Variants in GCNT2 observed in about 807,000 individuals in gnomAD.
GCNT2 encodes the protein glucosaminyl (N-acetyl) transferase 2 (I blood group).
GCNT2 carries 34 observed loss-of-function variants against 34.2 expected under a neutral mutation model. That is an observed-to-expected ratio of 1.00 (90% CI 0.76 to 1.32). The LOEUF (loss-of-function observed/expected upper bound fraction) is 1.32. GCNT2 is among the 40% of genes most tolerant of loss of function. GCNT2 has a pLI of 0.00. For synonymous variants in GCNT2, 212 were observed against 188.0 expected (o/e 1.13, Z -1.04); for missense variants, 584 against 489.4 (o/e 1.19, Z -1.82).
At chr6:10,600,557 C>T (rs924197580) in intron 3 of GCNT2, among the ~76,000 whole-genome samples, 3 of 152,138 alleles carry the variant, frequency 2.0e-5, no homozygotes, top group African/African-American at 7.2e-5. Context: ...ACCCCTACCC[C>T]CAGTGTCCCC....
Position 10,594,575 on chromosome 6 carries a change from G to A in GCNT2, c.926-26776G>A, listed in dbSNP as rs76390145. ...ATAATGATGGCTACTTAGTAAGGCTGTTTTGAGAATTAAATTTTAAAAATG... is the reference window on the plus strand; with the variant it reads ...ATAATGATGGCTACTTAGTAAGGCTATTTTGAGAATTAAATTTTAAAAATG... On this transcript the variant is annotated intron_variant, in intron 3 of 4. Coordinates refer to ENST00000495262, the MANE Select transcript of GCNT2 (RefSeq NM_145649.5). 3.7e-3 allele frequency among the ~76,000 whole-genome samples: 569 copies of A among 152,260 alleles called. 5 individuals carry two copies. The highest frequency in any genetic ancestry group is 0.012 in the African/African-American group (518 of 41,558).
rs867011207 is a variant in GCNT2, at chr6:10,611,330, C to T, written c.926-10021C>T. Among the ~76,000 whole-genome samples, 335 of 112,318 alleles carry T rather than the reference C, an allele frequency of 3.0e-3. 2 individuals are homozygous for T. The highest frequency in any genetic ancestry group is 9.6e-3 in the African/African-American group (321 of 33,520). The allele number at this position is 112,318 out of a possible 152,430, so 73.7% of individuals were successfully genotyped here. On this transcript the variant is annotated intron_variant, in intron 3 of 4. Coordinates refer to ENST00000495262, the MANE Select transcript of GCNT2 (RefSeq NM_145649.5). ...ACAAATATATACTTTTAATTTCTTT[C>T]TTTCTTTTTTTTTTTTTTTGAGACG...
intron 3 of GCNT2, among the ~76,000 whole-genome samples, chr6:10,612,787 A>T (rs367917646): frequency 3.3e-5 from 5 of 152,304 alleles, no homozygotes; most frequent in African/African-American, 1.2e-4. Flanking sequence ...TCCGACTTCA[A>T]AGCTGGTGCT....
intron 3 of GCNT2, among the ~76,000 whole-genome samples, chr6:10,596,418 G>A (rs1021327095): frequency 6.6e-6 from 1 of 152,140 alleles, no homozygotes; most frequent in Non-Finnish European, 1.5e-5. Context: ...CCACTCAGGA[G>A]GCTGAGGCAG....
chr6:10,597,969 T>C (rs1167164471), intron 3 of GCNT2, among the ~76,000 whole-genome samples: 2 of 152,248 alleles, frequency 1.3e-5, no homozygotes, highest in African/African-American at 4.8e-5. Context: ...GGCTAGTGAC[T>C]TAGATACCCA....
chr6:10,547,137 T>G (rs993218129), intron 3 of GCNT2, among the ~76,000 whole-genome samples: 15 of 152,348 alleles, frequency 9.8e-5, no homozygotes, highest in Admixed American at 9.1e-4. Flanking sequence ...TAATATTTTG[T>G]ACACTTGCCT....
At chr6:10,556,743 C>T in intron 3 of GCNT2, 1 of 1,614,148 alleles carries the variant, frequency 6.2e-7, no homozygotes, top group Non-Finnish European at 8.5e-7. Context: ...CACTTTGACA[C>T]CTTTGCAAGG....
intron 3 of GCNT2, chr6:10,556,135 AGATGCAAACGGG>A: frequency 7.6e-7 from 1 of 1,310,380 alleles, no homozygotes; most frequent in Non-Finnish European, 9.7e-7. Flanking sequence ...AACAGCTAGC[AGATGCAAACGGG>A]GAGGCAGAGG....
At chr6:10,557,353 T>C in intron 3 of GCNT2, 1 of 1,594,276 alleles carries the variant, frequency 6.3e-7, no homozygotes, top group South Asian at 1.1e-5. Flanking sequence ...GTACGTACAA[T>C]TCCATATTTC....
intron 3 of GCNT2, among the ~76,000 whole-genome samples, chr6:10,569,462 T>C (rs1763438885): frequency 6.6e-6 from 1 of 152,058 alleles, no homozygotes; most frequent in Admixed American, 6.6e-5. Flanking sequence ...GCTGGGATTA[T>C]AAGCATGAGC....
intron 1 of GCNT2, among the ~76,000 whole-genome samples, chr6:10,524,765 G>T (rs1300023545): frequency 6.6e-6 from 1 of 151,944 alleles, no homozygotes. Flanking sequence ...GGAGGCCGAG[G>T]TTGCAATGAG....
intron 3 of GCNT2, among the ~76,000 whole-genome samples, chr6:10,618,515 T>G (rs1013376520): frequency 2.6e-5 from 4 of 152,226 alleles, no homozygotes; most frequent in Non-Finnish European, 5.9e-5. Flanking sequence ...TCAAAAATAG[T>G]CATTTCAACA....
chr6:10,626,758 C>A lies in GCNT2; in HGVS notation c.*151C>A. 1 of 656,218 alleles carries A rather than the reference C, an allele frequency of 1.5e-6. No homozygotes were observed. The highest frequency in any genetic ancestry group is 2.7e-6 in the Non-Finnish European group (1 of 366,428). 40.6% of individuals were successfully genotyped at this position (656,218 alleles called of 1,614,324 possible). On this transcript the variant is annotated 3_prime_UTR_variant, in exon 5 of 5. Transcript: ENST00000495262. ...GCTACGTAATTATACTTAAAATATC[C>A]ACTGGACACTGTGAAATACACTAAC...
At chr6:10,530,638 A>G (rs1226765100) in intron 3 of GCNT2, among the ~76,000 whole-genome samples, 3 of 152,124 alleles carry the variant, frequency 2.0e-5, no homozygotes, top group Non-Finnish European at 4.4e-5. Context: ...TGGAAGGCTG[A>G]GGCAGGAGGA....
intron 3 of GCNT2, among the ~76,000 whole-genome samples, chr6:10,537,621 A>C (rs2113561405): frequency 6.7e-6 from 1 of 148,388 alleles, no homozygotes; most frequent in East Asian, 2.0e-4. Context: ...GAATCGCTTA[A>C]ACCCGGGAGG....
At chr6:10,556,390 G>C in intron 3 of GCNT2, 2 of 1,612,612 alleles carry the variant, frequency 1.2e-6, no homozygotes, top group East Asian at 2.2e-5. Context: ...TACAGATTTT[G>C]ACGGTCTCTT....
chr6:10,621,187 T>G (rs1037438537), intron 3 of GCNT2, among the ~76,000 whole-genome samples, 164 bp from the exon 4 acceptor site: 7 of 152,234 alleles, frequency 4.6e-5, no homozygotes, highest in Non-Finnish European at 1.0e-4. Flanking sequence ...AAAGATCAAC[T>G]GGAGGAAACA....
chr6:10,538,437 A>AAATATATAT (rs1554127249), intron 3 of GCNT2, among the ~76,000 whole-genome samples: 2 of 73,356 alleles, frequency 2.7e-5, no homozygotes, highest in Non-Finnish European at 4.3e-5. Context: ...AAAAAAAAAA[A>AAATATATAT]ATATATATAT....
chr6:10,544,945 CAAATAAATAAATAAATAAAT>C (rs57813293), intron 3 of GCNT2, among the ~76,000 whole-genome samples: 1 of 148,972 alleles, frequency 6.7e-6, no homozygotes, highest in Non-Finnish European at 1.5e-5. Flanking sequence ...AACTCTGTCT[CAAATAAATAAATAAATAAAT>C]AAATAAATAA....
Sources: allele counts gnomAD v4.1 joint callset (sites outside exome capture counted in the v4.1 genomes callset), GRCh38; gene constraint gnomAD v4.1.1; transcripts MANE v1.5; gene names NCBI Gene and HGNC (gene_info 2026-07-23, HGNC 2026-07-21).